TBC1D5: variants seen among roughly 807,000 people sequenced by gnomAD.
TBC1D5 encodes the protein TBC1 domain family, member 5.
A neutral mutation model predicts 100.3 loss-of-function variants in TBC1D5; 75 were observed. That is an observed-to-expected ratio of 0.75 (90% CI 0.62 to 0.91). The LOEUF (loss-of-function observed/expected upper bound fraction) is 0.91. Ranked by LOEUF, TBC1D5 falls within the 40% of genes least tolerant of loss-of-function variation. The pLI, the probability that TBC1D5 is intolerant of heterozygous loss-of-function variation, is 0.00. For synonymous variants in TBC1D5, 323 were observed against 325.6 expected (o/e 0.99, Z 0.09); for missense variants, 910 against 942.4 (o/e 0.97, Z 0.45).
chr3:17,466,453 C>G (rs1031634112), intron 3 of TBC1D5, among the ~76,000 whole-genome samples: 33 of 152,224 alleles, frequency 2.2e-4, no homozygotes, highest in Admixed American at 2.2e-3. Flanking sequence ...GCAGTTAAGA[C>G]AGCCAATGTG....
At chr3:17,599,959 A>G (rs545228609) in intron 2 of TBC1D5, among the ~76,000 whole-genome samples, 2 of 152,362 alleles carry the variant, frequency 1.3e-5, no homozygotes, top group Admixed American at 1.3e-4. Flanking sequence ...TTGCACCCCA[A>G]TTAAGGTATG....
At chr3:17,492,870 T>C (rs1466005486) in intron 3 of TBC1D5, among the ~76,000 whole-genome samples, 2 of 152,264 alleles carry the variant, frequency 1.3e-5, no homozygotes, top group Non-Finnish European at 2.9e-5. Flanking sequence ...GAAGCACTGA[T>C]GGGTCTTGAC....
intron 2 of TBC1D5, among the ~76,000 whole-genome samples, chr3:17,598,055 C>A (rs78965046): frequency 0.017 from 2,410 of 145,386 alleles, 45 homozygotes; most frequent in South Asian, 0.051. Context: ...CCAAAAGAGG[C>A]TGGGTCAATT....
chr3:17,602,431 G>GA (rs1305387562), intron 2 of TBC1D5, among the ~76,000 whole-genome samples: 3 of 152,066 alleles, frequency 2.0e-5, no homozygotes, highest in East Asian at 3.8e-4. Flanking sequence ...AGCTCTCTCT[G>GA]AAAATGTAGA....
intron 1 of TBC1D5, among the ~76,000 whole-genome samples, chr3:17,697,744 G>C (rs1276548289): frequency 1.3e-5 from 2 of 151,604 alleles, no homozygotes; most frequent in African/African-American, 2.4e-5. Context: ...TCACAGAATT[G>C]GAAAAAACTA....
chr3:17,458,456 C>G (rs1433246899), intron 3 of TBC1D5, among the ~76,000 whole-genome samples: 1 of 152,176 alleles, frequency 6.6e-6, no homozygotes, highest in Non-Finnish European at 1.5e-5. Context: ...GGTTCATAAA[C>G]AAGCCTGCAA....
chr3:17,298,775 C>T (rs886875605), intron 14 of TBC1D5, among the ~76,000 whole-genome samples: 1 of 152,252 alleles, frequency 6.6e-6, no homozygotes, highest in Admixed American at 6.5e-5. Context: ...AAAAGCCAAT[C>T]TGAAAAGGAT....
intron 1 of TBC1D5, among the ~76,000 whole-genome samples, chr3:17,631,643 A>C (rs1490980874): frequency 6.6e-6 from 1 of 152,224 alleles, no homozygotes; most frequent in Non-Finnish European, 1.5e-5. Context: ...GCAGCTGGTG[A>C]CTTTAAAGCC....
chr3:17,281,621 G>A (rs1379484854), intron 15 of TBC1D5, among the ~76,000 whole-genome samples: 1 of 152,146 alleles, frequency 6.6e-6, no homozygotes, highest in Non-Finnish European at 1.5e-5. Context: ...TGCTTGAACT[G>A]GATGAAATAT....
chr3:17,706,235 A>G, intron 1 of TBC1D5: 1 of 1,548,998 alleles, frequency 6.5e-7, no homozygotes, highest in Non-Finnish European at 8.7e-7. Context: ...GGCGGCGGCC[A>G]CCACATTGAT....
chr3:17,424,338 G>C (rs2094289186), intron 4 of TBC1D5, among the ~76,000 whole-genome samples: 1 of 152,188 alleles, frequency 6.6e-6, no homozygotes, highest in Non-Finnish European at 1.5e-5. Flanking sequence ...CTGCCCTTGG[G>C]AAGAGGAGGA....
rs116547328 is a variant in TBC1D5, at chr3:17,253,642, T to C, written c.1331+4864A>G. 9.2e-3 allele frequency among the ~76,000 whole-genome samples: 1,395 copies of C among 152,334 alleles called. 23 individuals carry two copies. Among genetic ancestry groups the C allele is most frequent in the African/African-American group, 0.031 (1,303 of 41,570 alleles). Reference sequence around the variant, plus strand: ...TTCGCTCATGTCTCTTTAGAGTCAATTCCAAACCCTTATCCTGAGGTAGCT... The same window carrying C: ...TTCGCTCATGTCTCTTTAGAGTCAACTCCAAACCCTTATCCTGAGGTAGCT... On this transcript the variant is annotated intron_variant, in intron 16 of 21. Coordinates refer to ENST00000253692, the Ensembl canonical transcript of TBC1D5.
At chr3:17,578,342 G>A (rs1294552066) in intron 2 of TBC1D5, among the ~76,000 whole-genome samples, 4 of 151,882 alleles carry the variant, frequency 2.6e-5, no homozygotes, top group African/African-American at 9.7e-5. Context: ...ATTCTCTTGG[G>A]AATCTACAAG....
intron 14 of TBC1D5, 40 bp downstream of exon 14, chr3:17,307,952 G>C (rs188544839): frequency 1.3e-6 from 2 of 1,577,462 alleles, no homozygotes. Context: ...TGAAAATCAG[G>C]AGTACCTAGT....
chr3:17,724,523 C>A (rs2075965307), intron 1 of TBC1D5, among the ~76,000 whole-genome samples: 1 of 152,168 alleles, frequency 6.6e-6, no homozygotes, highest in African/African-American at 2.4e-5. Flanking sequence ...CTTTTATTCT[C>A]TGGCAACTTT....
At chr3:17,199,448 TGATA>T (rs1195083949) in intron 18 of TBC1D5, among the ~76,000 whole-genome samples, 3 of 152,228 alleles carry the variant, frequency 2.0e-5, no homozygotes, top group Admixed American at 2.0e-4. Flanking sequence ...ACATTATTCT[TGATA>T]TTTTATGGAA....
intron 1 of TBC1D5, among the ~76,000 whole-genome samples, chr3:17,736,198 C>A (rs2076950747): frequency 1.3e-5 from 2 of 152,122 alleles, no homozygotes; most frequent in Admixed American, 6.5e-5. Context: ...TCCAGCTAGT[C>A]CTGCCTCTCA....
At chr3:17,237,689 A>G (rs184511876) in intron 17 of TBC1D5, among the ~76,000 whole-genome samples, 1 of 152,340 alleles carries the variant, frequency 6.6e-6, no homozygotes, top group Non-Finnish European at 1.5e-5. Flanking sequence ...TTAAGATTCT[A>G]GTTTGTATTC....
chr3:17,527,897 T>G (rs529325298), intron 2 of TBC1D5, among the ~76,000 whole-genome samples: 1 of 152,318 alleles, frequency 6.6e-6, no homozygotes, highest in South Asian at 2.1e-4. Context: ...ATACTAAATT[T>G]AATTTGATTT....
Sources: allele counts gnomAD v4.1 joint callset (sites outside exome capture counted in the v4.1 genomes callset), GRCh38; gene constraint gnomAD v4.1.1; transcripts MANE v1.5; gene names NCBI Gene and HGNC (gene_info 2026-07-23, HGNC 2026-07-21).